POU2F1: variants seen among roughly 807,000 people sequenced by gnomAD.
POU2F1 encodes POU domain, class 2, transcription factor 1.
A neutral mutation model predicts 84.9 loss-of-function variants in POU2F1; 16 were observed. The observed-to-expected ratio is 0.19, with a 90% confidence interval of 0.13 to 0.29. The LOEUF is 0.29. Among genes scored for constraint, POU2F1 ranks in the 10% least tolerant of loss-of-function variants. The probability of loss-of-function intolerance (pLI) is 1.00; values close to 1 mark genes in which losing one functional copy is unlikely to be tolerated. For synonymous variants in POU2F1, 368 were observed against 368.3 expected (o/e 1.00, Z 0.01); for missense variants, 738 against 942.6 (o/e 0.78, Z 2.84).
chr1:167,292,568 G>A (rs1456246185), intron 1 of POU2F1, among the ~76,000 whole-genome samples: 1 of 150,728 alleles, frequency 6.6e-6, no homozygotes, highest in East Asian at 1.9e-4. Context: ...AAGAAGAATT[G>A]GTACCAATTC....
chr1:167,346,036 A>C (rs571933724), intron 2 of POU2F1, among the ~76,000 whole-genome samples: 5 of 151,480 alleles, frequency 3.3e-5, no homozygotes, highest in Admixed American at 2.6e-4. Flanking sequence ...TTAACTGGGC[A>C]TGGTGGCACA....
rs141156690 is a variant in POU2F1 at position 167,240,196 on chromosome 1, T to C, written c.61+19238T>C. Reference sequence around the variant, plus strand: ...AGTTCTCTTAGACATTAGTAGTACATAACAAATACCCCAGTAGTCGAAGTG... The same window carrying C: ...AGTTCTCTTAGACATTAGTAGTACACAACAAATACCCCAGTAGTCGAAGTG... On this transcript the variant is annotated intron_variant, in intron 1 of 15. Transcript: ENST00000367866. Among the ~76,000 whole-genome samples the C allele has an allele frequency of 3.0e-3, 458 of 152,312 alleles. 2 individuals carry two copies. The highest frequency in any genetic ancestry group is 5.2e-3 in the Non-Finnish European group (354 of 68,020).
At chr1:167,318,124 G>A (rs1021153535) in intron 1 of POU2F1, among the ~76,000 whole-genome samples, 2 of 152,136 alleles carry the variant, frequency 1.3e-5, no homozygotes, top group African/African-American at 4.8e-5. Context: ...TTTTAATTTT[G>A]CAATATCCAA....
In POU2F1 at chr1:167,419,552, CAG is replaced by C. The variant is rs1256440686; in HGVS notation, c.*3745_*3746del. On this transcript the variant is annotated 3_prime_UTR_variant, in exon 16 of 16. Transcript: ENST00000367866. ...TTATACCCTGTATACATCTGAATAACAGAGCAGAAAGACCTAAAAAAGGGCTT... is the reference window on the plus strand; with the variant it reads ...TTATACCCTGTATACATCTGAATAACAGCAGAAAGACCTAAAAAAGGGCTT... The C allele has an allele frequency of 6.6e-6, 1 of 152,094 alleles. No individual in the cohort carries two copies. The highest frequency in any genetic ancestry group is 1.5e-5 in the Non-Finnish European group (1 of 68,004). The allele number at this position is 152,094 out of a possible 1,614,324, so 9.4% of individuals were successfully genotyped here. A position where few individuals can be genotyped will look rare whatever the true frequency, so the allele number is the denominator to read the frequency against.
chr1:167,364,357 C>T (rs922830766), intron 2 of POU2F1, among the ~76,000 whole-genome samples: 2 of 150,472 alleles, frequency 1.3e-5, no homozygotes, highest in Non-Finnish European at 3.0e-5. Context: ...GGTGAAACCC[C>T]GTCTCTACTA....
intron 2 of POU2F1, among the ~76,000 whole-genome samples, chr1:167,349,735 G>A (rs1464851172): frequency 6.6e-6 from 1 of 152,020 alleles, no homozygotes; most frequent in East Asian, 1.9e-4. Flanking sequence ...AGGATCTTTT[G>A]CTATGTGATA....
At chr1:167,248,290 A>G (rs1440407618) in intron 1 of POU2F1, among the ~76,000 whole-genome samples, 1 of 152,254 alleles carries the variant, frequency 6.6e-6, no homozygotes, top group South Asian at 2.1e-4. Flanking sequence ...TTGCTTTGTT[A>G]TACCTTGCAA....
At chr1:167,328,895 G>A (rs1656886874) in intron 1 of POU2F1, 1 of 276,980 alleles carries the variant, frequency 3.6e-6, no homozygotes. Flanking sequence ...GGAGAGATTT[G>A]CATAAGGCCC....
chr1:167,381,457 A>G (rs1039276325), intron 7 of POU2F1, among the ~76,000 whole-genome samples: 3 of 152,098 alleles, frequency 2.0e-5, no homozygotes, highest in African/African-American at 7.2e-5. Flanking sequence ...GTTTGGGGGT[A>G]AAACCTAAGG....
chr1:167,276,809 AAATC>A lies in POU2F1; in HGVS notation c.62-55657_62-55654del, dbSNP rs374802709. On this transcript the variant is annotated intron_variant, in intron 1 of 15. Transcript: ENST00000367866. ...ATAAGGGTGGGAAAGGCAAAGGAGA[AAATC>A]AATAAGTATGGAGAAGAAAGAAATG... Among the ~76,000 whole-genome samples the A allele has an allele frequency of 3.9e-3, 596 of 152,320 alleles. 3 individuals carry two copies. The highest frequency in any genetic ancestry group is 0.014 in the African/African-American group (569 of 41,574).
At chr1:167,328,739 A>G (rs561929197) in intron 1 of POU2F1, among the ~76,000 whole-genome samples, 2 of 152,150 alleles carry the variant, frequency 1.3e-5, no homozygotes, top group South Asian at 4.2e-4. Flanking sequence ...TCAGGAGATA[A>G]TTTTTCCCTT....
intron 15 of POU2F1, chr1:167,414,726 T>C (rs1168799514): frequency 1.0e-6 from 1 of 983,882 alleles, no homozygotes; most frequent in Non-Finnish European, 1.2e-6. Context: ...CCTGCTACAA[T>C]AGATTCATCA....
In POU2F1 at chr1:167,271,092, ATAACT is replaced by A. The variant is rs1457992598; in HGVS notation, c.61+50139_61+50143del. Among the ~76,000 whole-genome samples the A allele has an allele frequency of 5.9e-5, 9 of 152,362 alleles. No homozygotes were observed. In the East Asian group the frequency reaches 1.7e-3, roughly 29 times the overall value. ...TGCTAGCATTGTTTTAATTATTTAA[ATAACT>A]TAACATTTTAGAACCTTGTGGCTTT... On this transcript the variant is annotated intron_variant, in intron 1 of 15. Transcript: ENST00000367866.
At chr1:167,264,213 T>G (rs752900090) in intron 1 of POU2F1, among the ~76,000 whole-genome samples, 2 of 100,830 alleles carry the variant, frequency 2.0e-5, no homozygotes, top group Non-Finnish European at 4.7e-5. Context: ...TAAGGAAGTG[T>G]TTTTTTTTTT....
chr1:167,269,348 C>T (rs1444446703), intron 1 of POU2F1, among the ~76,000 whole-genome samples: 4 of 152,106 alleles, frequency 2.6e-5, no homozygotes, highest in Non-Finnish European at 5.9e-5. Context: ...TACTGTTAAC[C>T]GTTGAGAAAA....
chr1:167,253,044 T>C (rs1014774493), intron 1 of POU2F1, among the ~76,000 whole-genome samples: 4 of 152,224 alleles, frequency 2.6e-5, no homozygotes, highest in Non-Finnish European at 4.4e-5. Context: ...TATCACCATA[T>C]GTGTTCATTA....
intron 1 of POU2F1, among the ~76,000 whole-genome samples, chr1:167,287,582 A>G (rs1653622143): frequency 6.6e-6 from 1 of 152,222 alleles, no homozygotes; most frequent in African/African-American, 2.4e-5. Flanking sequence ...GGAAATTAAC[A>G]TATGTAGTAC....
At chr1:167,357,446 C>A (rs934429385) in intron 2 of POU2F1, 15 of 136,516 alleles carry the variant, frequency 1.1e-4, no homozygotes, top group African/African-American at 3.6e-4. Flanking sequence ...AGTGGTGTGA[C>A]GTGGGCTCAC....
chr1:167,346,348 T>C (rs1658197489), intron 2 of POU2F1, among the ~76,000 whole-genome samples: 1 of 152,148 alleles, frequency 6.6e-6, no homozygotes, highest in Non-Finnish European at 1.5e-5. Context: ...CACATACTAT[T>C]ATTACTTAGG....
Sources: allele counts gnomAD v4.1 joint callset (sites outside exome capture counted in the v4.1 genomes callset), GRCh38; gene constraint gnomAD v4.1.1; transcripts MANE v1.5; gene names NCBI Gene and HGNC (gene_info 2026-07-23, HGNC 2026-07-21).